COLQ: variants seen among roughly 807,000 people sequenced by gnomAD.
The protein encoded by COLQ is acetylcholinesterase collagenic tail peptide.
In COLQ, 48 loss-of-function variants were observed where a neutral mutation model predicts 69.0. The observed-to-expected ratio is 0.70, with a 90% CI of 0.55 to 0.88. The LOEUF (loss-of-function observed/expected upper bound fraction) is 0.88. COLQ is among the 40% of genes least tolerant of loss of function. The probability of loss-of-function intolerance (pLI) is 0.00; values close to 1 mark genes in which losing one functional copy is unlikely to be tolerated. For missense variants in COLQ, 618 were observed against 594.6 expected (o/e 1.04, Z -0.41); for synonymous variants, 217 against 211.2 (o/e 1.03, Z -0.24).
intron 11 of COLQ, among the ~76,000 whole-genome samples, chr3:15,468,393 C>T (rs2062232792): frequency 8.1e-6 from 1 of 123,778 alleles, no homozygotes; most frequent in Admixed American, 1.1e-4. Flanking sequence ...AGTGCAGTGG[C>T]GTGATCTTAG....
chr3:15,496,578 T>C (rs1225670197), intron 1 of COLQ, among the ~76,000 whole-genome samples: 1 of 152,238 alleles, frequency 6.6e-6, no homozygotes, highest in Non-Finnish European at 1.5e-5. Context: ...CCGTGGAGCC[T>C]GCAGAAACCT....
chr3:15,478,761 G>A (rs2062424489), intron 5 of COLQ: 1 of 643,640 alleles, frequency 1.6e-6, no homozygotes, highest in Non-Finnish European at 2.8e-6. Flanking sequence ...GAAGAAGTCT[G>A]AATGCCTGGC....
Position 15,488,304 on chromosome 3 carries a change from G to A in COLQ, c.223C>T (p.Leu75Phe). The A allele has an allele frequency of 6.2e-7, 1 of 1,613,202 alleles. No individual in the cohort carries two copies. The highest frequency in any genetic ancestry group is 8.5e-7 in the Non-Finnish European group (1 of 1,179,882). ...PFFRGGRSPL[L>F]SPDMKNLMLE... ...ATGAGATTCTTCATGTCTGGGGAGA[G>A]AAGCTTCAGTACAAAGCAACACAGA... Residue 75 changes from leucine (L) to phenylalanine (F), a missense_variant, in exon 3 of 17, where the codon CTC (leucine) becomes TTC (phenylalanine). Coordinates refer to ENST00000383788, the MANE Select transcript of COLQ (RefSeq NM_005677.4).
rs112813198 is a variant in COLQ at position 15,488,440 on chromosome 3, C to G, written c.220-133G>C. The stretch of plus-strand genomic sequence containing the variant: ...TTCCCTGACACCCCAATGACTGCCC[C>G]AAGAAGATGACACCTTGGGCTACCA... On this transcript the variant is annotated intron_variant, in intron 2 of 16. Coordinates refer to ENST00000383788, the MANE Select transcript of COLQ (RefSeq NM_005677.4). The G allele has an allele frequency of 4.1e-3, 3,030 of 743,784 alleles. 59 individuals carry two copies. The African/African-American group carries it at 0.043, about 11-fold the overall frequency. 46.1% of individuals were successfully genotyped at this position (743,784 alleles called of 1,614,324 possible). A position where few individuals can be genotyped will look rare whatever the true frequency, so the allele number is the denominator to read the frequency against.
chr3:15,473,440 G>A lies in COLQ; in HGVS notation c.636+560C>T, dbSNP rs185675687. On this transcript the variant is annotated intron_variant, in intron 10 of 16. Transcript: ENST00000383788. This position sits in a 1 kb window ranked among gnomAD's most constrained non-coding sequence, Gnocchi z 4.0. ...CCCAAAGTGCTGGGATTACAGGCAT[G>A]AGGCACCATGCCTGGCCAATATTTA... is the stretch of plus-strand genomic sequence containing the variant. Among the ~76,000 whole-genome samples the A allele has an allele frequency of 7.3e-4, 111 of 152,336 alleles. No homozygotes were observed. Among genetic ancestry groups the A allele is most frequent in the African/African-American group, 2.4e-3 (101 of 41,580 alleles).
chr3:15,463,644 C>T (rs1329318017), intron 12 of COLQ, among the ~76,000 whole-genome samples: 1 of 152,018 alleles, frequency 6.6e-6, no homozygotes, highest in Non-Finnish European at 1.5e-5. Context: ...CCGCGCCTGG[C>T]CTACTCCTCA....
chr3:15,452,776 G>C (rs749808553), intron 16 of COLQ, among the ~76,000 whole-genome samples: 1 of 152,196 alleles, frequency 6.6e-6, no homozygotes, highest in Non-Finnish European at 1.5e-5. Flanking sequence ...GGGGGAGACT[G>C]GGGGAGACTA....
intron 16 of COLQ, among the ~76,000 whole-genome samples, chr3:15,452,507 A>C (rs535366119): frequency 2.4e-4 from 36 of 152,216 alleles, no homozygotes; most frequent in Non-Finnish European, 5.0e-4. Flanking sequence ...TAAACCTTAC[A>C]GGCACAGTCA....
intron 5 of COLQ, among the ~76,000 whole-genome samples, chr3:15,478,432 G>C (rs370441225): frequency 2.6e-5 from 4 of 152,140 alleles, no homozygotes; most frequent in Admixed American, 2.6e-4. Context: ...AGTATCCACT[G>C]ACCTCAGCAA....
At chr3:15,456,959 A>T (rs2062035424) in intron 13 of COLQ, among the ~76,000 whole-genome samples, 1 of 151,748 alleles carries the variant, frequency 6.6e-6, no homozygotes, top group African/African-American at 2.4e-5. Flanking sequence ...AGTAGGTGGG[A>T]TTACAGGTGT....
In COLQ at chr3:15,472,822, T is replaced by TTC. The variant is rs976449244; in HGVS notation, c.636+1176_636+1177dup. On this transcript the variant is annotated intron_variant, in intron 10 of 16. Transcript: ENST00000383788. Reference sequence around the variant, plus strand: ...CTATTTACTGAATATTTTTCTTTCTTTCTCTCTCTCTCTTTCTTCACTTCT... The same window carrying TTC: ...CTATTTACTGAATATTTTTCTTTCTTTCTCTCTCTCTCTCTTTCTTCACTTCT... Among the ~76,000 whole-genome samples the TTC allele has an allele frequency of 3.9e-5, 6 of 151,980 alleles. No individual in the cohort carries two copies. The South Asian group carries it at 1.0e-3, about 26-fold the overall frequency.
chr3:15,492,578 A>T (rs2062686233), intron 1 of COLQ, among the ~76,000 whole-genome samples: 1 of 152,130 alleles, frequency 6.6e-6, no homozygotes, highest in East Asian at 1.9e-4. Flanking sequence ...GAGGTGGGAG[A>T]ATGGCGTGAA....
At chr3:15,475,348 G>C in intron 7 of COLQ, 77 bp downstream of exon 7, 3 of 1,379,358 alleles carry the variant, frequency 2.2e-6, no homozygotes, top group Non-Finnish European at 3.0e-6. Flanking sequence ...GCCCCACCCA[G>C]TCCCTATGTT....
intron 1 of COLQ, chr3:15,499,017 TCAACC>T: frequency 3.8e-6 from 4 of 1,039,844 alleles, no homozygotes; most frequent in Admixed American, 4.7e-5. Context: ...AGCCTCAAAG[TCAACC>T]CCCCACCGAG....
chr3:15,458,880 G>A (rs976277840), intron 12 of COLQ, among the ~76,000 whole-genome samples: 2 of 145,696 alleles, frequency 1.4e-5, no homozygotes, highest in Non-Finnish European at 3.0e-5. Context: ...GTCTTGCTCT[G>A]TTGCCCAGGC....
At chr3:15,512,052 C>T (rs546301414) in intron 1 of COLQ, among the ~76,000 whole-genome samples, 2 of 151,962 alleles carry the variant, frequency 1.3e-5, no homozygotes, top group South Asian at 2.1e-4. Context: ...ATGCCAGGCC[C>T]GAAACCCCTG....
At chr3:15,505,548 A>T (rs2062898457) in intron 1 of COLQ, among the ~76,000 whole-genome samples, 1 of 152,254 alleles carries the variant, frequency 6.6e-6, no homozygotes, top group Non-Finnish European at 1.5e-5. Flanking sequence ...GTAGAGAGGA[A>T]GGCGGAGACA....
At chr3:15,499,016 G>C (rs2062793761) in intron 1 of COLQ, 1 of 998,362 alleles carries the variant, frequency 1.0e-6, no homozygotes, top group Non-Finnish European at 1.2e-6. Flanking sequence ...AAGCCTCAAA[G>C]TCAACCCCCC....
intron 1 of COLQ, among the ~76,000 whole-genome samples, chr3:15,517,421 TAC>T (rs1489323417): frequency 1.3e-5 from 2 of 152,190 alleles, no homozygotes; most frequent in East Asian, 3.8e-4. Flanking sequence ...CTGCGAGAAT[TAC>T]ACAAATTAAA....
Sources: gnomAD v4.1 joint callset for allele counts (sites outside exome capture counted in the v4.1 genomes callset) on GRCh38, gnomAD v4.1.1 for gene constraint, Gnocchi (gnomAD v3.1) non-coding constraint, MANE v1.5 for transcripts, NCBI Gene and HGNC (gene_info 2026-07-23, HGNC 2026-07-21) for gene names.